The following TMEM74 variants were observed in gnomAD, a reference collection of about 807,000 sequenced individuals.
TMEM74 encodes the protein transmembrane protein 74.
A neutral mutation model predicts 18.1 loss-of-function variants in TMEM74; 13 were observed. The observed-to-expected ratio is 0.72, with a 90% confidence interval of 0.47 to 1.14. The LOEUF (loss-of-function observed/expected upper bound fraction) is 1.14, where lower values mean the gene tolerates loss of function less well. Among genes scored for constraint, TMEM74 ranks in the 50% most tolerant of loss-of-function variants. The pLI, the probability that TMEM74 is intolerant of heterozygous loss-of-function variation, is 0.00. For synonymous variants in TMEM74, 159 were observed against 146.6 expected (o/e 1.08, Z -0.61); for missense variants, 372 against 375.9 (o/e 0.99, Z 0.09).
downstream of TMEM74, among the ~76,000 whole-genome samples, chr8:108,774,584 G>A (rs949024510): frequency 1.3e-5 from 2 of 152,108 alleles, no homozygotes; most frequent in East Asian, 1.9e-4. Context: ...GGTAACTCAC[G>A]TCACTTTGCT....
chr8:108,642,167 C>T (rs370565127), intron 2 of TMEM74, among the ~76,000 whole-genome samples: 14 of 151,988 alleles, frequency 9.2e-5, no homozygotes, highest in Middle Eastern at 6.8e-3. Flanking sequence ...GGGAGGCTGA[C>T]GCGGGTGGAT....
chr8:108,750,773 G>A (rs546444121), intron 1 of TMEM74, among the ~76,000 whole-genome samples: 2 of 152,266 alleles, frequency 1.3e-5, no homozygotes, highest in South Asian at 4.1e-4. Context: ...CACTGCGCAT[G>A]TGGGCAGCCC....
intron 1 of TMEM74, among the ~76,000 whole-genome samples, chr8:108,698,558 A>G (rs59447180): frequency 0.42 from 64,057 of 151,980 alleles, 13,681 homozygotes; most frequent in East Asian, 0.57. Flanking sequence ...AATAAATGCT[A>G]GCTGCCATTA....
chr8:108,780,277 A>T lies in TMEM74; in HGVS notation c.*3904T>A, dbSNP rs1290507384. Among the ~76,000 whole-genome samples, 1 of 152,176 alleles carries T rather than the reference A, an allele frequency of 6.6e-6. No individual in the cohort carries two copies. The highest frequency in any genetic ancestry group is 2.4e-5 in the African/African-American group (1 of 41,448). ...AAAAACCTTCTCCTAAGAGATATAC[A>T]TATAGAACACTTTTTTAACTTGACA... is the stretch of plus-strand genomic sequence containing the variant. On this transcript the variant is annotated 3_prime_UTR_variant, in exon 2 of 2. Coordinates refer to ENST00000297459, the MANE Select transcript of TMEM74 (RefSeq NM_153015.3).
chr8:108,766,694 G>T (rs1429855063), intron 1 of TMEM74, among the ~76,000 whole-genome samples: 1 of 152,156 alleles, frequency 6.6e-6, no homozygotes, highest in African/African-American at 2.4e-5. Context: ...CAATCGCAAG[G>T]TAAAGTCTCA....
chr8:108,625,972 T>C (rs1411762548), intron 2 of TMEM74, among the ~76,000 whole-genome samples: 1 of 152,036 alleles, frequency 6.6e-6, no homozygotes, highest in African/African-American at 2.4e-5. Context: ...CAGTGTATAA[T>C]TGAATCACTC....
At chr8:108,621,429 C>G (rs1812439118) in intron 2 of TMEM74, among the ~76,000 whole-genome samples, 1 of 152,146 alleles carries the variant, frequency 6.6e-6, no homozygotes, top group Non-Finnish European at 1.5e-5. Flanking sequence ...TTCCAGGTCC[C>G]CCTCCCTGAA....
At chr8:108,662,297 G>A (rs1812908102) in intron 1 of TMEM74, among the ~76,000 whole-genome samples, 1 of 151,840 alleles carries the variant, frequency 6.6e-6, no homozygotes, top group South Asian at 2.1e-4. Context: ...TAGAGAGGTA[G>A]GGACACCTAG....
intron 2 of TMEM74, among the ~76,000 whole-genome samples, chr8:108,649,181 G>C (rs1586246927): frequency 6.6e-6 from 1 of 152,208 alleles, no homozygotes; most frequent in East Asian, 1.9e-4. Flanking sequence ...GTTCCTAGAA[G>C]TCTCATCTTG....
Position 108,780,602 on chromosome 8 carries a change from A to G in TMEM74, c.*3579T>C, listed in dbSNP as rs1814293080. Among the ~76,000 whole-genome samples the G allele has an allele frequency of 6.6e-6, 1 of 152,186 alleles. No homozygotes were observed. The highest frequency in any genetic ancestry group is 1.5e-5 in the Non-Finnish European group (1 of 68,022). Reference sequence around the variant, plus strand: ...AAGGGCATGTGCCAGCACTGGTCCAATTGGGTCCCTAAAACAAATAAGTAT... The same window carrying G: ...AAGGGCATGTGCCAGCACTGGTCCAGTTGGGTCCCTAAAACAAATAAGTAT... On this transcript the variant is annotated 3_prime_UTR_variant, in exon 2 of 2. Transcript: ENST00000297459.
intron 1 of TMEM74, among the ~76,000 whole-genome samples, chr8:108,719,972 T>C (rs953693337): frequency 7.2e-5 from 11 of 152,292 alleles, no homozygotes; most frequent in Admixed American, 5.2e-4. Flanking sequence ...GTGCACAAAT[T>C]ACTACTAATT....
chr8:108,627,802 C>A (rs1355183914), intron 2 of TMEM74, among the ~76,000 whole-genome samples: 1 of 152,038 alleles, frequency 6.6e-6, no homozygotes, highest in East Asian at 1.9e-4. Context: ...CCTTTAATCC[C>A]AGCAGTTTGG....
intron 2 of TMEM74, among the ~76,000 whole-genome samples, chr8:108,624,087 G>T (rs1448490350): frequency 4.6e-5 from 7 of 152,056 alleles, no homozygotes; most frequent in Non-Finnish European, 1.0e-4. Context: ...CATCAGCAAA[G>T]TAGGAGAACC....
intron 1 of TMEM74, among the ~76,000 whole-genome samples, chr8:108,659,774 A>T (rs532241283): frequency 2.2e-3 from 331 of 152,230 alleles, no homozygotes; most frequent in Admixed American, 3.8e-3. Flanking sequence ...GTAGCTGGGA[A>T]TGTTGTCAGC....
intron 2 of TMEM74, among the ~76,000 whole-genome samples, chr8:108,624,492 T>C (rs924745008): frequency 2.0e-5 from 3 of 152,102 alleles, no homozygotes; most frequent in Non-Finnish European, 4.4e-5. Flanking sequence ...TACTTCTTCC[T>C]TAAAGAAAAT....
At chr8:108,660,455 T>C (rs1812888405) in intron 1 of TMEM74, among the ~76,000 whole-genome samples, 2 of 152,160 alleles carry the variant, frequency 1.3e-5, no homozygotes. Flanking sequence ...CAAGTCTTAT[T>C]TTTCTTCTTG....
intron 1 of TMEM74, among the ~76,000 whole-genome samples, chr8:108,762,092 A>G (rs1814050798): frequency 6.6e-6 from 1 of 152,186 alleles, no homozygotes; most frequent in Admixed American, 6.5e-5. Context: ...AGTTGACAGG[A>G]TAGACATCAT....
chr8:108,647,300 C>G (rs138804609), intron 2 of TMEM74, among the ~76,000 whole-genome samples: 2 of 152,098 alleles, frequency 1.3e-5, no homozygotes, highest in Non-Finnish European at 2.9e-5. Flanking sequence ...GACTGGCCAC[C>G]CAGATGAAGA....
chr8:108,670,055 A>AG (rs1812988121), intron 1 of TMEM74, among the ~76,000 whole-genome samples: 2 of 151,896 alleles, frequency 1.3e-5, no homozygotes, highest in South Asian at 4.2e-4. Context: ...AAAAAAAAAA[A>AG]AAGGCAATGA....
Sources: gnomAD v4.1 joint callset for allele counts (sites outside exome capture counted in the v4.1 genomes callset) on GRCh38, gnomAD v4.1.1 for gene constraint, MANE v1.5 for transcripts, NCBI Gene and HGNC (gene_info 2026-07-23, HGNC 2026-07-21) for gene names.